Variants in SBF2 observed in about 807,000 individuals in gnomAD.
SBF2 encodes myotubularin-related protein 13.
Under a neutral mutation model 225.2 loss-of-function variants are expected in SBF2, and 112 were observed. The ratio of observed to expected loss-of-function variants is 0.50; its 90% CI spans 0.43 to 0.58. The LOEUF (loss-of-function observed/expected upper bound fraction) is 0.58. Among genes scored for constraint, SBF2 ranks in the 20% least tolerant of loss-of-function variants. The pLI, the probability that SBF2 is intolerant of heterozygous loss-of-function variation, is 0.00. For synonymous variants in SBF2, 763 were observed against 773.3 expected (o/e 0.99, Z 0.22); for missense variants, 1,996 against 2,206.2 (o/e 0.90, Z 1.91).
rs1238757806 is a variant in SBF2 at position 9,993,909 on chromosome 11, TA to T, written c.1053+11del. On this transcript the variant is annotated intron_variant, in intron 10 of 39. Coordinates refer to ENST00000256190, the MANE Select transcript of SBF2 (RefSeq NM_030962.4). ...CTTTAACAGCATTAAATTTAAATAT[TA>T]AACTTCTTACCAGCATTTTTGAGTG... 8 of 1,423,180 alleles carry T rather than the reference TA, an allele frequency of 5.6e-6. No individual in the cohort carries two copies. The highest frequency in any genetic ancestry group is 7.0e-6 in the Non-Finnish European group (7 of 1,006,316). 88.2% of individuals were successfully genotyped at this position (1,423,180 alleles called of 1,614,324 possible).
chr11:9,820,056 A>G (rs1018815537), intron 28 of SBF2, among the ~76,000 whole-genome samples: 4 of 152,176 alleles, frequency 2.6e-5, no homozygotes, highest in African/African-American at 9.7e-5. Flanking sequence ...TTTGAGTAAT[A>G]TATTTTTTTC....
Position 9,989,518 on chromosome 11 carries a change from A to G in SBF2, c.1374T>C (p.Leu458=). The G allele has an allele frequency of 1.0e-5, 16 of 1,600,996 alleles. No individual in the cohort carries two copies. Among genetic ancestry groups the G allele is most frequent in the Non-Finnish European group, 1.2e-5 (14 of 1,169,174 alleles). The change falls in exon 13 of 40, where the codon CTT becomes CTC. Residue 458 remains leucine, a synonymous_variant. Transcript: ENST00000256190. ...PVKMIKHVRE[L]AEQLFKNENP... ...TTACATTTTTGAATAGTTGCTCAGC[A>G]AGTTCCCTGACATGCTTTATCATCT... is the stretch of plus-strand genomic sequence containing the variant.
intron 16 of SBF2, among the ~76,000 whole-genome samples, chr11:9,922,861 A>C (rs1863740755): frequency 1.3e-5 from 2 of 152,194 alleles, no homozygotes; most frequent in African/African-American, 4.8e-5. Flanking sequence ...AGTTCATTTA[A>C]CTATGTGCTT....
intron 1 of SBF2, among the ~76,000 whole-genome samples, chr11:10,216,139 A>G (rs886443322): frequency 4.6e-5 from 7 of 152,176 alleles, no homozygotes; most frequent in African/African-American, 1.4e-4. Context: ...CTTCCATAAT[A>G]TCTTACTCAA....
chr11:9,907,929 G>A (rs1862238104), intron 16 of SBF2, among the ~76,000 whole-genome samples: 3 of 152,120 alleles, frequency 2.0e-5, no homozygotes, highest in Admixed American at 2.0e-4. Flanking sequence ...TAAATTATTT[G>A]CTTGCGATTA....
chr11:10,075,760 T>C, intron 2 of SBF2, among the ~76,000 whole-genome samples: 1 of 152,198 alleles, frequency 6.6e-6, no homozygotes, highest in South Asian at 2.1e-4. Flanking sequence ...CTTTTCTTTA[T>C]AAATTACCGG....
At chr11:10,073,282 G>A (rs1950966116) in intron 2 of SBF2, among the ~76,000 whole-genome samples, 1 of 151,950 alleles carries the variant, frequency 6.6e-6, no homozygotes, top group African/African-American at 2.4e-5. Flanking sequence ...TTGTAAAGTT[G>A]AAGTAAAAAT....
At chr11:9,954,613 C>A (rs557279768) in intron 16 of SBF2, among the ~76,000 whole-genome samples, 6 of 151,898 alleles carry the variant, frequency 4.0e-5, no homozygotes, top group African/African-American at 1.4e-4. Flanking sequence ...TATTAAGTGC[C>A]CCTCAATCCA....
rs754830756 is a variant in SBF2 at position 10,002,575 on chromosome 11, A to G, written c.734T>C (p.Met245Thr). ...ACCTCACCTATATTTAAGAGGAAAC[A>G]TTAAAGATTCCAGGGCTCTACAAGC... ...SDACRALESL[M>T]FPLKYSYPYI... The change falls in exon 7 of 40, where the codon ATG becomes ACG. Residue 245 changes from methionine (M) to threonine (T), a missense_variant. Met to Thr is a moderately conservative substitution (Grantham distance 81). Coordinates refer to ENST00000256190, the MANE Select transcript of SBF2 (RefSeq NM_030962.4). 1.2e-6 allele frequency: 2 copies of G among 1,612,098 alleles called. No individual in the cohort carries two copies. The highest frequency in any genetic ancestry group is 1.7e-6 in the Non-Finnish European group (2 of 1,178,250).
intron 16 of SBF2, among the ~76,000 whole-genome samples, chr11:9,914,469 G>A (rs1336331229): frequency 6.6e-6 from 1 of 152,150 alleles, no homozygotes; most frequent in Non-Finnish European, 1.5e-5. Flanking sequence ...AATGATGCTG[G>A]CCCAACTGGA....
chr11:10,287,995 CT>C (rs1180546293), intron 1 of SBF2, among the ~76,000 whole-genome samples: 1 of 152,214 alleles, frequency 6.6e-6, no homozygotes, highest in East Asian at 1.9e-4. Flanking sequence ...CTCTGCGAGG[CT>C]GTGGCTGGAC....
chr11:10,213,188 A>C (rs1236481798), intron 1 of SBF2, among the ~76,000 whole-genome samples: 1 of 152,230 alleles, frequency 6.6e-6, no homozygotes, highest in African/African-American at 2.4e-5. Flanking sequence ...TAAGGATGCC[A>C]GCATTTCTCT....
At chr11:10,004,029 C>T (rs991418100) in intron 6 of SBF2, among the ~76,000 whole-genome samples, 1 of 152,072 alleles carries the variant, frequency 6.6e-6, no homozygotes, top group Non-Finnish European at 1.5e-5. Flanking sequence ...TTGCTATTCC[C>T]TCTTATCACT....
In SBF2 at chr11:9,784,345, T is replaced by A. The variant is rs553530331; in HGVS notation, c.5319+6A>T. ...AAGTAATTTCTTTTGGCTTTAAGAG[T>A]ATTACCTGATGTTTTGTTACATCCA... On this transcript the variant is annotated splice_donor_region_variant and intron_variant, in intron 38 of 39. Coordinates refer to ENST00000256190, the MANE Select transcript of SBF2 (RefSeq NM_030962.4). 1 of 1,605,426 alleles carries A rather than the reference T, an allele frequency of 6.2e-7. No homozygotes were observed. Among genetic ancestry groups the A allele is most frequent in the South Asian group, 1.1e-5 (1 of 90,886 alleles).
chr11:10,208,201 T>TC (rs139286066), intron 1 of SBF2, among the ~76,000 whole-genome samples: 40,896 of 151,832 alleles, frequency 0.27, 5,743 homozygotes, highest in Middle Eastern at 0.33. Flanking sequence ...GCTCTAAACT[T>TC]CAGGCACGGT....
intron 17 of SBF2, among the ~76,000 whole-genome samples, chr11:9,860,248 C>T (rs1327216479): frequency 2.1e-5 from 3 of 145,026 alleles, no homozygotes; most frequent in South Asian, 4.3e-4. Flanking sequence ...GTACACAAGC[C>T]TATTTTGAAA....
intron 23 of SBF2, among the ~76,000 whole-genome samples, chr11:9,846,178 A>G (rs755134730): frequency 1.5e-4 from 23 of 152,240 alleles, no homozygotes. Flanking sequence ...GTTCTTTGGT[A>G]GTCGGGACAG....
chr11:10,078,158 G>A (rs932414250), intron 2 of SBF2, among the ~76,000 whole-genome samples: 2 of 152,178 alleles, frequency 1.3e-5, no homozygotes, highest in African/African-American at 4.8e-5. Flanking sequence ...GAGAGGATAT[G>A]GAGAAATAGA....
chr11:10,129,560 T>A (rs1953931946), intron 2 of SBF2, among the ~76,000 whole-genome samples: 1 of 152,220 alleles, frequency 6.6e-6, no homozygotes, highest in Non-Finnish European at 1.5e-5. Flanking sequence ...TTTAATTTTG[T>A]TGAAAGCAAT....
Sources: allele counts gnomAD v4.1 joint callset (sites outside exome capture counted in the v4.1 genomes callset), GRCh38; gene constraint gnomAD v4.1.1; transcripts MANE v1.5; gene names NCBI Gene and HGNC (gene_info 2026-07-23, HGNC 2026-07-21).